TMEM41A: variants seen among roughly 807,000 people sequenced by gnomAD.
TMEM41A encodes transmembrane protein 41A.
Under a neutral mutation model 25.7 loss-of-function variants are expected in TMEM41A, and 20 were observed. The observed-to-expected ratio is 0.78, with a 90% confidence interval of 0.55 to 1.13. The LOEUF (loss-of-function observed/expected upper bound fraction) is 1.13, where lower values mean the gene tolerates loss of function less well. TMEM41A is among the 50% of genes most tolerant of loss of function. The probability of loss-of-function intolerance (pLI) is 0.00; values close to 1 mark genes in which losing one functional copy is unlikely to be tolerated. For synonymous variants in TMEM41A, 133 were observed against 139.6 expected, an observed-to-expected ratio of 0.95 and a Z score of 0.33; for missense variants, 299 against 314.3, an observed-to-expected ratio of 0.95 and a Z score of 0.37.
Position 185,489,721 on chromosome 3 carries a change from G to A in TMEM41A, c.*1816C>T, listed in dbSNP as rs893888020. ...AGGCAACTCTAAGGATCCTGAAAAG[G>A]GGCAAAGGGCACACACTTGCGATGA... On this transcript the variant is annotated 3_prime_UTR_variant, in exon 5 of 5. Transcript: ENST00000421852. 4.6e-5 allele frequency: 7 copies of A among 152,244 alleles called. No homozygotes were observed. The East Asian group carries it at 1.4e-3, about 29-fold the overall frequency. 9.4% of individuals were successfully genotyped at this position (152,244 alleles called of 1,614,324 possible).
At chr3:185,493,308 A>G (rs1719010414) in intron 4 of TMEM41A, 1 of 147,000 alleles carries the variant, frequency 6.8e-6, no homozygotes, top group African/African-American at 2.4e-5. Flanking sequence ...TGCAGGTCAT[A>G]TAATTGTCAA....
At position 185,498,932 on chromosome 3, in the gene TMEM41A, G is replaced by C. The variant is rs548388951; in HGVS notation, c.30C>G (p.Val10=). 7.8e-5 allele frequency: 125 copies of C among 1,604,168 alleles called. 2 individuals are homozygous for C. The East Asian group carries it at 2.6e-3, about 33-fold the overall frequency. The change falls in exon 1 of 5, where the codon GTC becomes GTG. Residue 10 remains valine, a synonymous_variant. Coordinates refer to ENST00000421852, the MANE Select transcript of TMEM41A (RefSeq NM_080652.4). The part of the protein sequence containing the change: MRPLLGLLL[V]FAGCTFALYL... The stretch of plus-strand genomic sequence containing the variant: ...ACAAGGCGAAGGTGCAGCCGGCGAA[G>C]ACCAGAAGGAGGCCGAGAAGCGGGC...
chr3:185,494,627 AAGAACTG>A lies in TMEM41A; in HGVS notation c.563_569del (p.Ser188LeufsTer4). 1.9e-6 allele frequency: 3 copies of A among 1,598,118 alleles called. No individual in the cohort carries two copies. Among genetic ancestry groups the A allele is most frequent in the Non-Finnish European group, 2.6e-6 (3 of 1,174,122 alleles). The stretch of plus-strand genomic sequence containing the variant: ...CCTACCCCACTAGCATCTTACCGAT[AAGAACTG>A]AGAAGAAGAACTGCACGATGGGAAT... On this transcript the variant is annotated frameshift_variant, in exon 4 of 5. Coordinates refer to ENST00000421852, the MANE Select transcript of TMEM41A (RefSeq NM_080652.4).
chr3:185,495,274 A>G lies in TMEM41A; in HGVS notation c.315T>C (p.Leu105=). The stretch of plus-strand genomic sequence containing the variant: ...CCGAGGTCAACACACAGCACAGCAG[A>G]AGCCCCAGCCATGGCCCAAACAAGG... ...AGALFGPWLG[L]LLCCVLTSVG... The change falls in exon 3 of 5, where the codon CTT becomes CTC. Residue 105 remains leucine (L), a synonymous_variant. Transcript: ENST00000421852. 6.2e-7 allele frequency: 1 copy of G among 1,613,950 alleles called. No individual in the cohort carries two copies.
intron 1 of TMEM41A, chr3:185,498,280 AAAG>A (rs1719167988): frequency 6.6e-6 from 1 of 152,116 alleles, no homozygotes; most frequent in Non-Finnish European, 1.5e-5. Context: ...AAAAAAAAAA[AAAG>A]GTAAAAGTAG....
rs79332836 is a variant in TMEM41A at position 185,496,438 on chromosome 3, G to A, written c.273+390C>T. ...GCAGCAGCTGGCTCTCTGCCCTGAA[G>A]AGGGATCAGTTCAAGACAGAAGACA... On this transcript the variant is annotated intron_variant, in intron 2 of 4. Transcript: ENST00000421852. The A allele has an allele frequency of 3.5e-3, 914 of 263,458 alleles. 12 individuals are homozygous for A. The highest frequency in any genetic ancestry group is 9.7e-3 in the East Asian group (117 of 12,080). 16.3% of individuals were successfully genotyped at this position (263,458 alleles called of 1,614,324 possible).
At position 185,496,877 on chromosome 3, in the gene TMEM41A, C is replaced by A. The variant is rs1466015813; in HGVS notation, c.224G>T (p.Gly75Val). ...AAAGCCCTGTTTGTAGAGGTAGGCG[C>A]CGCAGAAGAGCAGGAACACGTAGGC... is the stretch of plus-strand genomic sequence containing the variant. ...HQAYVFLLFC[G>V]AYLYKQGFAI... Residue 75 changes from glycine to valine, a missense_variant, in exon 2 of 5, where the codon GGC (glycine) becomes GTC (valine). Physicochemically the swap from Gly to Val is moderately radical, Grantham distance 109. Transcript: ENST00000421852. 3 of 1,607,336 alleles carry A rather than the reference C, an allele frequency of 1.9e-6. No homozygotes were observed. Among genetic ancestry groups the A allele is most frequent in the Middle Eastern group, 1.7e-4 (1 of 6,020 alleles).
At chr3:185,492,310 A>T (rs1718981754) in intron 4 of TMEM41A, 1 of 152,164 alleles carries the variant, frequency 6.6e-6, no homozygotes, top group Non-Finnish European at 1.5e-5. Flanking sequence ...TCAAAAATAA[A>T]TAAATAAATA....
intron 2 of TMEM41A, chr3:185,495,765 A>C (rs1719083462): frequency 6.2e-6 from 1 of 160,912 alleles, no homozygotes. Context: ...AAAGAGGTGA[A>C]TGAAAAATTA....
At chr3:185,495,440 GTTAT>G (rs1577651249) in intron 2 of TMEM41A, 125 bp from the exon 3 acceptor site, 5 of 856,198 alleles carry the variant, frequency 5.8e-6, no homozygotes, top group African/African-American at 3.4e-5. Context: ...ACCCAATTGC[GTTAT>G]TTATTTATTT....
intron 4 of TMEM41A, among the ~76,000 whole-genome samples, 186 bp from the exon 5 acceptor site, chr3:185,491,943 T>C (rs1259625402): frequency 6.6e-6 from 1 of 152,164 alleles, no homozygotes; most frequent in East Asian, 1.9e-4. Context: ...TCACTTCCCA[T>C]ATATGCCTGT....
Position 185,491,480 on chromosome 3 carries a change from C to T in TMEM41A, c.*57G>A, listed in dbSNP as rs1443701007. The T allele has an allele frequency of 1.4e-6, 2 of 1,411,004 alleles. No homozygotes were observed. The highest frequency in any genetic ancestry group is 2.0e-6 in the Non-Finnish European group (2 of 1,005,244). The allele number at this position is 1,411,004 out of a possible 1,614,324, so 87.4% of individuals were successfully genotyped here. On this transcript the variant is annotated 3_prime_UTR_variant, in exon 5 of 5. Coordinates refer to ENST00000421852, the MANE Select transcript of TMEM41A (RefSeq NM_080652.4). Reference sequence around the variant, plus strand: ...AACAATGAGGGGCTTTAGAGGACCACATCCATTACACAAATAAGCAACTGA... The same window carrying T: ...AACAATGAGGGGCTTTAGAGGACCATATCCATTACACAAATAAGCAACTGA...
chr3:185,496,963 G>A lies in TMEM41A; in HGVS notation c.138C>T (p.Ser46=), dbSNP rs543354349. Residue 46 remains serine, a synonymous_variant, in exon 2 of 5, where the codon TCC becomes TCT. Transcript: ENST00000421852. ...EAGGRSLWFP[S]DLAELRELSE... ...AGAGCTCCCGCAGCTCTGCCAGGTCGGAGGGGAACCACAGCGACCTGGGGA... is the reference window on the plus strand; with the variant it reads ...AGAGCTCCCGCAGCTCTGCCAGGTCAGAGGGGAACCACAGCGACCTGGGGA... 8.8e-6 allele frequency: 14 copies of A among 1,597,448 alleles called. No homozygotes were observed. In the African/African-American group the frequency reaches 9.3e-5, roughly 11 times the overall value.
chr3:185,495,139 G>A lies in TMEM41A; in HGVS notation c.435+15C>T. The A allele has an allele frequency of 6.2e-7, 1 of 1,612,730 alleles. No individual in the cohort carries two copies. The highest frequency in any genetic ancestry group is 8.5e-7 in the Non-Finnish European group (1 of 1,179,860). ...GTCTGGGGTCCCAGCTCTCAGATGT[G>A]ACCCCTCCCCTTACCTTTCTCTGCA... On this transcript the variant is annotated intron_variant, in intron 3 of 4. Transcript: ENST00000421852.
At chr3:185,491,848 G>A (rs190169948) in intron 4 of TMEM41A, 91 bp from the exon 5 acceptor site, 26 of 990,918 alleles carry the variant, frequency 2.6e-5, no homozygotes, top group Admixed American at 5.6e-5. Flanking sequence ...CAGTGACTAC[G>A]GTTTTTTTTT....
intron 1 of TMEM41A, among the ~76,000 whole-genome samples, chr3:185,498,088 C>CCAA (rs1553817740): frequency 3.0e-5 from 4 of 134,322 alleles, no homozygotes; most frequent in Non-Finnish European, 4.8e-5. Context: ...GAGACCCCCC[C>CCAA]CCCGCGTCCC....
At chr3:185,495,604 C>A in intron 2 of TMEM41A, 1 of 383,688 alleles carries the variant, frequency 2.6e-6, no homozygotes, top group East Asian at 4.4e-5. Context: ...CCACATTCAC[C>A]CACTTTTTAA....
At chr3:185,494,801 G>T (rs906008235) in intron 3 of TMEM41A, 40 bp from the exon 4 acceptor site, 1 of 1,562,630 alleles carries the variant, frequency 6.4e-7, no homozygotes, top group Non-Finnish European at 8.6e-7. Context: ...AAGCAGAAAG[G>T]GTCTCCAGGT....
intron 3 of TMEM41A, 67 bp from the exon 4 acceptor site, chr3:185,494,828 T>C: frequency 6.6e-7 from 1 of 1,507,492 alleles, no homozygotes; most frequent in Non-Finnish European, 8.9e-7. Context: ...AACCTGCTGG[T>C]GCCAGGCACT....
Sources: allele counts gnomAD v4.1 joint callset (sites outside exome capture counted in the v4.1 genomes callset), GRCh38; gene constraint gnomAD v4.1.1; transcripts MANE v1.5; gene names NCBI Gene and HGNC (gene_info 2026-07-23, HGNC 2026-07-21).